TAFA2: variants seen among roughly 807,000 people sequenced by gnomAD.
TAFA2 encodes chemokine-like protein TAFA-2.
Under a neutral mutation model 18.8 loss-of-function variants are expected in TAFA2, and 7 were observed. That is an observed-to-expected ratio of 0.37 (90% CI 0.21 to 0.70). The LOEUF (loss-of-function observed/expected upper bound fraction) is 0.70. TAFA2 is among the 30% of genes least tolerant of loss of function. The pLI is 0.53. For missense variants in TAFA2, 122 were observed against 158.1 expected, an observed-to-expected ratio of 0.77 and a Z score of 1.23; for synonymous variants, 60 against 54.2, an observed-to-expected ratio of 1.11 and a Z score of -0.47.
At chr12:62,128,677 T>C (rs1216840571) in intron 1 of TAFA2, among the ~76,000 whole-genome samples, 2 of 152,070 alleles carry the variant, frequency 1.3e-5, no homozygotes, top group African/African-American at 4.8e-5. Flanking sequence ...TCATAATTCA[T>C]GTTTATGCCC....
chr12:62,011,271 G>C (rs1049126180), intron 1 of TAFA2, among the ~76,000 whole-genome samples: 3 of 152,154 alleles, frequency 2.0e-5, no homozygotes, highest in Non-Finnish European at 4.4e-5. Flanking sequence ...CATCGAGAGC[G>C]GGCCATGATG....
At chr12:61,905,386 T>C (rs1462467264) in intron 1 of TAFA2, among the ~76,000 whole-genome samples, 2 of 152,142 alleles carry the variant, frequency 1.3e-5, no homozygotes, top group African/African-American at 4.8e-5. Flanking sequence ...AATGTTACTA[T>C]TACCCTAACA....
In TAFA2 at chr12:61,893,952, A is replaced by G. The variant is rs144152709; in HGVS notation, c.-1-26526T>C. 7.9e-3 allele frequency among the ~76,000 whole-genome samples: 1,205 copies of G among 152,290 alleles called. 14 individuals are homozygous for G. Among genetic ancestry groups the G allele is most frequent in the African/African-American group, 0.028 (1,147 of 41,544 alleles). ...GTATTTATCTTAGTTTCCCTATATGAACCCAAGTCAAACTGATACTGCTTT... is the reference window on the plus strand; with the variant it reads ...GTATTTATCTTAGTTTCCCTATATGGACCCAAGTCAAACTGATACTGCTTT... On this transcript the variant is annotated intron_variant, in intron 1 of 4. Transcript: ENST00000416284.
chr12:61,856,816 T>C (rs1232046725), intron 2 of TAFA2, among the ~76,000 whole-genome samples: 2 of 151,846 alleles, frequency 1.3e-5, no homozygotes, highest in Non-Finnish European at 2.9e-5. Context: ...AACAGTTATA[T>C]ATGTGAATGT....
At chr12:61,876,263 G>A (rs1394882059) in intron 1 of TAFA2, among the ~76,000 whole-genome samples, 1 of 152,082 alleles carries the variant, frequency 6.6e-6, no homozygotes, top group East Asian at 1.9e-4. Context: ...GGGAAATGAG[G>A]CACAGAAGAA....
chr12:62,114,127 C>T (rs555219802), intron 1 of TAFA2, among the ~76,000 whole-genome samples: 2 of 152,270 alleles, frequency 1.3e-5, no homozygotes, highest in Admixed American at 6.5e-5. Context: ...AGTGTAGGTA[C>T]CCAAGGGAAT....
At chr12:61,782,376 AG>A (rs926843502) in intron 2 of TAFA2, among the ~76,000 whole-genome samples, 4 of 151,790 alleles carry the variant, frequency 2.6e-5, no homozygotes, top group African/African-American at 4.8e-5. Context: ...TATTGTAACC[AG>A]GCATTCCTTT....
At chr12:61,925,756 T>C (rs1877262218) in intron 1 of TAFA2, among the ~76,000 whole-genome samples, 1 of 151,938 alleles carries the variant, frequency 6.6e-6, no homozygotes, top group African/African-American at 2.4e-5. Flanking sequence ...GCAGGAAAGA[T>C]CTAAAATCGA....
chr12:62,139,353 T>C (rs970456723), intron 1 of TAFA2, among the ~76,000 whole-genome samples: 5 of 152,116 alleles, frequency 3.3e-5, no homozygotes, highest in Non-Finnish European at 7.3e-5. Context: ...GCAGAATTCA[T>C]TTTCCCCATT....
chr12:62,238,989 C>G (rs1416212445), intron 1 of TAFA2, among the ~76,000 whole-genome samples: 2 of 152,146 alleles, frequency 1.3e-5, no homozygotes, highest in Non-Finnish European at 2.9e-5. Flanking sequence ...TAAATATGCA[C>G]GTTTTTATGA....
At chr12:61,980,695 C>T (rs1482720348) in intron 1 of TAFA2, among the ~76,000 whole-genome samples, 1 of 152,156 alleles carries the variant, frequency 6.6e-6, no homozygotes, top group Non-Finnish European at 1.5e-5. Flanking sequence ...CATGAGTGAA[C>T]TCCCATTCAC....
intron 2 of TAFA2, among the ~76,000 whole-genome samples, chr12:61,816,071 A>C (rs373053503): frequency 6.6e-6 from 1 of 151,342 alleles, no homozygotes; most frequent in East Asian, 1.9e-4. Context: ...CATCTGATAC[A>C]TAGGTAAACT....
chr12:62,051,518 G>A (rs1261545503), intron 1 of TAFA2, among the ~76,000 whole-genome samples: 1 of 151,990 alleles, frequency 6.6e-6, no homozygotes. Flanking sequence ...CTTCCAGTAA[G>A]AATAGGAGCA....
At chr12:62,210,914 A>G (rs1013206699) in intron 1 of TAFA2, among the ~76,000 whole-genome samples, 1 of 152,034 alleles carries the variant, frequency 6.6e-6, no homozygotes, top group Non-Finnish European at 1.5e-5. Context: ...TGACACACAC[A>G]TACACCCCCC....
At chr12:61,812,730 C>A (rs538868213) in intron 2 of TAFA2, among the ~76,000 whole-genome samples, 1 of 150,800 alleles carries the variant, frequency 6.6e-6, no homozygotes, top group African/African-American at 2.5e-5. Context: ...CTGCCACGCC[C>A]GGATAACTTT....
At chr12:62,235,258 GC>G in intron 1 of TAFA2, 1 of 659,176 alleles carries the variant, frequency 1.5e-6, no homozygotes, top group South Asian at 1.7e-5. Context: ...CTGAACTGTG[GC>G]CCCCCTTCAT....
At chr12:61,822,220 C>T (rs1163359405) in intron 2 of TAFA2, among the ~76,000 whole-genome samples, 1 of 152,054 alleles carries the variant, frequency 6.6e-6, no homozygotes, top group Non-Finnish European at 1.5e-5. Flanking sequence ...GATGAAAGAA[C>T]ATGAATTCAA....
At chr12:61,804,358 G>C (rs1425361129) in intron 2 of TAFA2, among the ~76,000 whole-genome samples, 1 of 151,880 alleles carries the variant, frequency 6.6e-6, no homozygotes, top group African/African-American at 2.4e-5. Context: ...CATAAATGAA[G>C]ACATTCTGGT....
intron 1 of TAFA2, among the ~76,000 whole-genome samples, chr12:61,997,695 C>A (rs899060107): frequency 1.3e-5 from 2 of 151,886 alleles, no homozygotes; most frequent in African/African-American, 2.4e-5. Flanking sequence ...ATCCAGGAGA[C>A]AGATGACAGC....
Sources: gnomAD v4.1 joint callset for allele counts (sites outside exome capture counted in the v4.1 genomes callset) on GRCh38, gnomAD v4.1.1 for gene constraint, MANE v1.5 for transcripts, NCBI Gene and HGNC (gene_info 2026-07-23, HGNC 2026-07-21) for gene names.